DPP10: variants seen among roughly 807,000 people sequenced by gnomAD.
DPP10 encodes the protein inactive dipeptidyl peptidase 10.
In DPP10, 33 loss-of-function variants were observed where a neutral mutation model predicts 120.9. The observed-to-expected ratio is 0.27, with a 90% CI of 0.21 to 0.37. The LOEUF (loss-of-function observed/expected upper bound fraction) is 0.37, where lower values mean the gene tolerates loss of function less well. Among genes scored for constraint, DPP10 ranks in the 10% least tolerant of loss-of-function variants. DPP10 has a pLI of 1.00. For missense variants in DPP10, 816 were observed against 942.8 expected (o/e 0.87, Z 1.76); for synonymous variants, 337 against 326.1 (o/e 1.03, Z -0.36).
chr2:114,881,977 A>G (rs1338361335), intron 1 of DPP10, among the ~76,000 whole-genome samples: 1 of 152,184 alleles, frequency 6.6e-6, no homozygotes, highest in African/African-American at 2.4e-5. Context: ...TATAATAGGC[A>G]TGTAACACAT....
chr2:115,260,907 C>T (rs758042541), intron 1 of DPP10, among the ~76,000 whole-genome samples: 7 of 152,080 alleles, frequency 4.6e-5, no homozygotes, highest in Admixed American at 3.9e-4. Flanking sequence ...GGAGTTGGGG[C>T]GTGCTGTAGA....
Position 115,504,268 on chromosome 2 carries a change from T to C in DPP10, c.366+4664T>C, listed in dbSNP as rs568040603. 2.5e-5 allele frequency among the ~76,000 whole-genome samples: 3 copies of C among 118,314 alleles called. No individual in the cohort carries two copies. The Admixed American group carries it at 3.6e-4, about 14-fold the overall frequency. 77.6% of individuals were successfully genotyped at this position (118,314 alleles called of 152,430 possible). A position where few individuals can be genotyped will look rare whatever the true frequency, so the allele number is the denominator to read the frequency against. ...TAAGTTAGTATCACTTATTTGGCTA[T>C]TGCCAACTTTTTTTTTTTTTTTTTT... On this transcript the variant is annotated intron_variant, in intron 4 of 25. Coordinates refer to ENST00000410059, the MANE Select transcript of DPP10 (RefSeq NM_020868.6).
At chr2:115,516,756 A>G (rs1251284556) in intron 4 of DPP10, among the ~76,000 whole-genome samples, 1 of 152,088 alleles carries the variant, frequency 6.6e-6, no homozygotes, top group East Asian at 1.9e-4. Flanking sequence ...GAAAACTCTT[A>G]GTTAACTTAG....
In DPP10 at chr2:115,413,048, G is replaced by A. The variant is rs182785791; in HGVS notation, c.271+69136G>A. ...TGAGCTGTCTAACATTAAGTATAAT[G>A]GCCAAACCCCATTTTCTGTGGGATT... On this transcript the variant is annotated intron_variant, in intron 3 of 25. Transcript: ENST00000410059. Among the ~76,000 whole-genome samples the A allele has an allele frequency of 4.0e-3, 609 of 152,132 alleles. 3 individuals carry two copies. The highest frequency in any genetic ancestry group is 0.014 in the African/African-American group (564 of 41,490).
chr2:115,226,475 T>C (rs1158592240), intron 1 of DPP10, among the ~76,000 whole-genome samples: 1 of 152,172 alleles, frequency 6.6e-6, no homozygotes, highest in Admixed American at 6.6e-5. Flanking sequence ...GAAATTCATT[T>C]GAGACATAGT....
At chr2:114,622,760 T>C (rs913672196) in intron 1 of DPP10, among the ~76,000 whole-genome samples, 6 of 152,128 alleles carry the variant, frequency 3.9e-5, no homozygotes, top group African/African-American at 1.4e-4. Flanking sequence ...GTTGCCACCT[T>C]GCTACCGAAA....
chr2:115,225,954 C>T (rs986783623), intron 1 of DPP10, among the ~76,000 whole-genome samples: 3 of 151,984 alleles, frequency 2.0e-5, no homozygotes, highest in Non-Finnish European at 4.4e-5. Flanking sequence ...TTTGGCGCTA[C>T]CTTTTATTAC....
chr2:114,455,790 G>T (rs113073304), intron 1 of DPP10, among the ~76,000 whole-genome samples: 7 of 149,016 alleles, frequency 4.7e-5, no homozygotes, highest in South Asian at 2.1e-4. Context: ...CAGCTAACCA[G>T]CTGACCTTCA....
intron 1 of DPP10, among the ~76,000 whole-genome samples, chr2:114,481,050 T>C (rs570263380): frequency 6.6e-6 from 1 of 151,778 alleles, no homozygotes; most frequent in South Asian, 2.1e-4. Flanking sequence ...GAGAAAATCT[T>C]CAAGATTTAC....
intron 1 of DPP10, among the ~76,000 whole-genome samples, chr2:114,603,918 C>T (rs182868178): frequency 6.6e-6 from 1 of 152,114 alleles, no homozygotes; most frequent in East Asian, 1.9e-4. Context: ...ATATATATAG[C>T]TACAATTTGT....
At chr2:114,522,175 G>A (rs1212534464) in intron 1 of DPP10, among the ~76,000 whole-genome samples, 4 of 150,846 alleles carry the variant, frequency 2.7e-5, no homozygotes, top group African/African-American at 4.9e-5. Context: ...TAGTAGAGAC[G>A]GGGTTTCACC....
intron 3 of DPP10, among the ~76,000 whole-genome samples, chr2:115,359,548 A>C (rs1000869713): frequency 6.6e-6 from 1 of 152,074 alleles, no homozygotes; most frequent in Non-Finnish European, 1.5e-5. Flanking sequence ...AGCTGCCTTT[A>C]AGATTTTTTC....
chr2:114,471,537 T>TTCA (rs1163673746), intron 1 of DPP10, among the ~76,000 whole-genome samples: 2 of 152,220 alleles, frequency 1.3e-5, no homozygotes, highest in African/African-American at 4.8e-5. Flanking sequence ...ACAGGAATGC[T>TTCA]AAAATATTTT....
chr2:115,439,995 C>G (rs1023746862), intron 3 of DPP10, among the ~76,000 whole-genome samples: 2 of 152,062 alleles, frequency 1.3e-5, no homozygotes, highest in East Asian at 3.9e-4. Flanking sequence ...TAATTGCAAA[C>G]TTGCAAAAAT....
intron 1 of DPP10, among the ~76,000 whole-genome samples, chr2:114,751,017 C>G (rs1425757564): frequency 6.6e-6 from 1 of 152,222 alleles, no homozygotes; most frequent in Non-Finnish European, 1.5e-5. Context: ...TAAGTCAACC[C>G]TCTTGAAAAT....
intron 1 of DPP10, among the ~76,000 whole-genome samples, chr2:114,661,602 C>A (rs1447507049): frequency 6.6e-6 from 1 of 152,192 alleles, no homozygotes; most frequent in East Asian, 1.9e-4. Context: ...CTTATTTCAT[C>A]CACATTCATT....
rs564096165 is a variant in DPP10, at chr2:115,183,148, T to C, written c.61-126091T>C. Among the ~76,000 whole-genome samples, 3 of 152,342 alleles carry C rather than the reference T, an allele frequency of 2.0e-5. No individual in the cohort carries two copies. The South Asian group carries it at 6.2e-4, about 32-fold the overall frequency. Reference sequence around the variant, plus strand: ...TAGAACTAATTGTGGCCAGATTTTATTCAAAGCAGAAAATAACATAGAGGA... The same window carrying C: ...TAGAACTAATTGTGGCCAGATTTTACTCAAAGCAGAAAATAACATAGAGGA... On this transcript the variant is annotated intron_variant, in intron 1 of 25. Transcript: ENST00000410059.
At chr2:115,099,473 G>A (rs1215818028) in intron 1 of DPP10, among the ~76,000 whole-genome samples, 1 of 152,146 alleles carries the variant, frequency 6.6e-6, no homozygotes, top group African/African-American at 2.4e-5. Context: ...GTATGAGAAG[G>A]TCCAAGTGAC....
At chr2:114,978,873 T>G (rs557223784) in intron 1 of DPP10, among the ~76,000 whole-genome samples, 3 of 152,162 alleles carry the variant, frequency 2.0e-5, no homozygotes, top group Non-Finnish European at 4.4e-5. Context: ...AATATAAGAA[T>G]TATAGTTATT....
Sources: allele counts gnomAD v4.1 joint callset (sites outside exome capture counted in the v4.1 genomes callset), GRCh38; gene constraint gnomAD v4.1.1; transcripts MANE v1.5; gene names NCBI Gene and HGNC (gene_info 2026-07-23, HGNC 2026-07-21).